Variants in KLHL42 observed in about 807,000 individuals in gnomAD.
KLHL42 encodes kelch-like protein 42.
KLHL42 carries 27 observed loss-of-function variants against 32.7 expected under a neutral mutation model. The observed-to-expected ratio is 0.83, with a 90% confidence interval of 0.61 to 1.14. The LOEUF is 1.14. Ranked by LOEUF, KLHL42 falls within the 50% of genes most tolerant of loss-of-function variation. The probability of loss-of-function intolerance (pLI) is 0.00; values close to 1 mark genes in which losing one functional copy is unlikely to be tolerated. For missense variants in KLHL42, 491 were observed against 560.8 expected, an observed-to-expected ratio of 0.88 and a Z score of 1.26; for synonymous variants, 267 against 248.2, an observed-to-expected ratio of 1.08 and a Z score of -0.71.
chr12:27,792,002 C>T (rs2062199495), intron 2 of KLHL42, 101 bp downstream of exon 2: 2 of 926,038 alleles, frequency 2.2e-6, no homozygotes, highest in African/African-American at 1.6e-5. Flanking sequence ...ATCCGAGTGT[C>T]ATGTTATGCT....
Position 27,780,974 on chromosome 12 carries a change from A to G in KLHL42, c.644A>G (p.Glu215Gly). Residue 215 changes from glutamate to glycine, a missense_variant, in exon 1 of 3, where the codon GAG (glutamate) becomes GGG (glycine). By Grantham distance (98) the Glu-to-Gly change is moderately conservative (BLOSUM62 -2). Transcript: ENST00000381271. The surrounding 1 kb of genome is among the most constrained non-coding windows in gnomAD (Gnocchi z 8.8). ...GPLAPHPYQG[E>G]PPSMLRYEEM... ...CTGGCCCCTCACCCCTACCAGGGGG[A>G]GCCCCCGTCCATGCTCAGGTACGAG... 6.3e-7 allele frequency: 1 copy of G among 1,598,574 alleles called. No homozygotes were observed. Among genetic ancestry groups the G allele is most frequent in the South Asian group, 1.1e-5 (1 of 89,706 alleles).
At chr12:27,785,074 G>T (rs1334189004) in intron 1 of KLHL42, among the ~76,000 whole-genome samples, 5 of 152,170 alleles carry the variant, frequency 3.3e-5, no homozygotes, top group Non-Finnish European at 5.9e-5. Context: ...TGCATAGAGG[G>T]GTGGGTGGGA....
intron 2 of KLHL42, among the ~76,000 whole-genome samples, chr12:27,793,706 C>T (rs2062207451): frequency 1.3e-5 from 2 of 152,184 alleles, no homozygotes; most frequent in Admixed American, 1.3e-4. Context: ...TGCATTTGGT[C>T]TGTGTGACTC....
intron 2 of KLHL42, chr12:27,797,166 G>A (rs2140823583): frequency 4.6e-6 from 2 of 430,482 alleles, no homozygotes; most frequent in African/African-American, 4.1e-5. Context: ...ATTGCCAAGT[G>A]GTTCTGTGGC....
rs1198198561 is a variant in KLHL42 at position 27,801,936 on chromosome 12, G to T, written c.*3770G>T. 2 of 151,886 alleles carry T rather than the reference G, an allele frequency of 1.3e-5. No individual in the cohort carries two copies. The highest frequency in any genetic ancestry group is 4.8e-5 in the African/African-American group (2 of 41,344). The allele number at this position is 151,886 out of a possible 1,614,324, so 9.4% of individuals were successfully genotyped here. On this transcript the variant is annotated 3_prime_UTR_variant, in exon 3 of 3. Transcript: ENST00000381271. ...GAAGAGCTTACGGCCTTATAAAGAG[G>T]TTCACTGTAATTGTCTTCACCAGGG...
chr12:27,791,593 A>G (rs2062197175), intron 1 of KLHL42, 115 bp from the exon 2 acceptor site: 3 of 910,062 alleles, frequency 3.3e-6, no homozygotes, highest in East Asian at 4.9e-5. Flanking sequence ...ATGGCCCCCA[A>G]CTGGGAGAGC....
chr12:27,791,966 G>C, intron 2 of KLHL42, 65 bp downstream of exon 2: 1 of 1,360,554 alleles, frequency 7.3e-7, no homozygotes, highest in East Asian at 2.3e-5. Flanking sequence ...GGAAGGGCAA[G>C]AGGGTGTCAG....
intron 1 of KLHL42, 147 bp downstream of exon 1, chr12:27,781,349 G>A (rs904407772): frequency 2.0e-6 from 2 of 1,008,892 alleles, no homozygotes; most frequent in African/African-American, 1.6e-5. Flanking sequence ...CCTTGGCGCT[G>A]GCAAAATTCC....
rs766367303 is a variant in KLHL42 at position 27,800,347 on chromosome 12, T to TGG, written c.*2185_*2186dup. The TGG allele has an allele frequency of 1.2e-6, 1 of 809,346 alleles. No individual in the cohort carries two copies. The highest frequency in any genetic ancestry group is 3.4e-5 in the African/African-American group (1 of 29,342). 50.1% of individuals were successfully genotyped at this position (809,346 alleles called of 1,614,324 possible). A position where few individuals can be genotyped will look rare whatever the true frequency, so the allele number is the denominator to read the frequency against. ...CCAGGTTTGAGGTTGTGTGTGTGTG[T>TGG]GGGGGTGTGTGTGTGTGTGTGTGTG... is the stretch of plus-strand genomic sequence containing the variant. On this transcript the variant is annotated 3_prime_UTR_variant, in exon 3 of 3. Coordinates refer to ENST00000381271, the MANE Select transcript of KLHL42 (RefSeq NM_020782.2).
intron 1 of KLHL42, among the ~76,000 whole-genome samples, chr12:27,783,682 C>T (rs1032042436): frequency 5.3e-5 from 8 of 151,940 alleles, no homozygotes; most frequent in Non-Finnish European, 1.0e-4. Context: ...CCCGGGTTCA[C>T]GCCATTCTCC....
In KLHL42 at chr12:27,781,047, C is replaced by T; in HGVS notation, c.717C>T (p.Asp239=). 2 of 1,613,920 alleles carry T rather than the reference C, an allele frequency of 1.2e-6. No individual in the cohort carries two copies. The highest frequency in any genetic ancestry group is 1.7e-5 in the Admixed American group (1 of 59,982). ...CGCTGGCCAACAACCTTCCTCCCGA[C>T]CTGGTCAATGTCAGGGGCTATGGGT... is the stretch of plus-strand genomic sequence containing the variant. The part of the protein sequence containing the change: ...WFPLANNLPP[D]LVNVRGYGSA... Residue 239 remains aspartate (D), a synonymous_variant, in exon 1 of 3, where the codon GAC becomes GAT. Transcript: ENST00000381271.
rs1281467635 is a variant in KLHL42 at position 27,780,273 on chromosome 12, G to A, written c.-58G>A. The A allele has an allele frequency of 2.7e-6, 4 of 1,475,934 alleles. No homozygotes were observed. The African/African-American group carries it at 4.4e-5, about 16-fold the overall frequency. The allele number at this position is 1,475,934 out of a possible 1,614,324, so 91.4% of individuals were successfully genotyped here. ...GCCCGGAACCGGCGCGCGCGTAGGG[G>A]CTGGGAGGCCGGCGCGCAGATCTGG... On this transcript the variant is annotated 5_prime_UTR_variant, in exon 1 of 3. Transcript: ENST00000381271. The surrounding 1 kb of genome is among the most constrained non-coding windows in gnomAD (Gnocchi z 8.8).
intron 1 of KLHL42, among the ~76,000 whole-genome samples, chr12:27,782,868 CAG>C (rs903400779): frequency 6.2e-4 from 94 of 152,092 alleles, no homozygotes; most frequent in African/African-American, 2.1e-3. Flanking sequence ...TGTCTGCCCT[CAG>C]GGTACAGAAA....
Position 27,798,226 on chromosome 12 carries a change from C to A in KLHL42, c.*60C>A. ...CAAGTTTTTTTTAAAATGTGGTGTCCCATTCCAAGGGAGACCAATTCCTAA... is the reference window on the plus strand; with the variant it reads ...CAAGTTTTTTTTAAAATGTGGTGTCACATTCCAAGGGAGACCAATTCCTAA... On this transcript the variant is annotated 3_prime_UTR_variant, in exon 3 of 3. Coordinates refer to ENST00000381271, the MANE Select transcript of KLHL42 (RefSeq NM_020782.2). 1 of 718,978 alleles carries A rather than the reference C, an allele frequency of 1.4e-6. No individual in the cohort carries two copies. The highest frequency in any genetic ancestry group is 1.9e-5 in the Admixed American group (1 of 53,488). 44.5% of individuals were successfully genotyped at this position (718,978 alleles called of 1,614,324 possible).
Position 27,799,825 on chromosome 12 carries a change from G to A in KLHL42, c.*1659G>A, listed in dbSNP as rs115138203. ...ATTTTGGACATAGAAACAGATCTTT[G>A]TATCTTGTCACCAAATAATCTTACC... On this transcript the variant is annotated 3_prime_UTR_variant, in exon 3 of 3. Transcript: ENST00000381271. 4.2e-3 allele frequency: 1,015 copies of A among 238,896 alleles called. 2 individuals are homozygous for A. The highest frequency in any genetic ancestry group is 0.022 in the African/African-American group (964 of 43,056). 14.8% of individuals were successfully genotyped at this position (238,896 alleles called of 1,614,324 possible).
chr12:27,798,579 CTT>C lies in KLHL42; in HGVS notation c.*414_*415del, dbSNP rs1370500929. ...ACCTTAAGTGAGAGGTTTTCTTTTT[CTT>C]ATCAGTGTCCTTGACAAGCATTCAT... On this transcript the variant is annotated 3_prime_UTR_variant, in exon 3 of 3. Coordinates refer to ENST00000381271, the MANE Select transcript of KLHL42 (RefSeq NM_020782.2). 5.8e-6 allele frequency: 1 copy of C among 171,930 alleles called. No individual in the cohort carries two copies. The highest frequency in any genetic ancestry group is 1.2e-5 in the Non-Finnish European group (1 of 80,182). The allele number at this position is 171,930 out of a possible 1,614,324, so 10.7% of individuals were successfully genotyped here.
chr12:27,790,726 G>A (rs2062192616), intron 1 of KLHL42, among the ~76,000 whole-genome samples: 1 of 152,170 alleles, frequency 6.6e-6, no homozygotes, highest in Non-Finnish European at 1.5e-5. Context: ...ATTAACATAT[G>A]TAAAGACCCT....
chr12:27,792,186 T>C (rs1474335926), intron 2 of KLHL42: 2 of 229,890 alleles, frequency 8.7e-6, no homozygotes, highest in African/African-American at 4.5e-5. Context: ...CCCAGCTTTT[T>C]GGTCAGCCGT....
In KLHL42 at chr12:27,798,204, GT is replaced by G; in HGVS notation, c.*46del. 3 of 739,930 alleles carry G rather than the reference GT, an allele frequency of 4.1e-6. No homozygotes were observed. The highest frequency in any genetic ancestry group is 1.5e-5 in the South Asian group (1 of 67,550). 45.8% of individuals were successfully genotyped at this position (739,930 alleles called of 1,614,324 possible). On this transcript the variant is annotated 3_prime_UTR_variant, in exon 3 of 3. Coordinates refer to ENST00000381271, the MANE Select transcript of KLHL42 (RefSeq NM_020782.2). ...GGTAGATGAAAAAAACCTGGTTCAA[GT>G]TTTTTTTAAAATGTGGTGTCCCATT...
Sources: gnomAD v4.1 joint callset for allele counts (sites outside exome capture counted in the v4.1 genomes callset) on GRCh38, gnomAD v4.1.1 for gene constraint, Gnocchi (gnomAD v3.1) non-coding constraint, MANE v1.5 for transcripts, NCBI Gene and HGNC (gene_info 2026-07-23, HGNC 2026-07-21) for gene names.